FSTL4: variants seen among roughly 807,000 people sequenced by gnomAD.
The protein encoded by FSTL4 is follistatin like 4.
FSTL4 carries 28 observed loss-of-function variants against 78.2 expected under a neutral mutation model. That is an observed-to-expected ratio of 0.36 (90% CI 0.27 to 0.49). The LOEUF (loss-of-function observed/expected upper bound fraction) is 0.49, where lower values mean the gene tolerates loss of function less well. Ranked by LOEUF, FSTL4 falls within the 20% of genes least tolerant of loss-of-function variation. The pLI, the probability that FSTL4 is intolerant of heterozygous loss-of-function variation, is 0.98. For synonymous variants in FSTL4, 422 were observed against 440.5 expected (o/e 0.96, Z 0.53); for missense variants, 922 against 1,084.9 (o/e 0.85, Z 2.11).
chr5:133,576,849 A>C (rs1760294445), intron 2 of FSTL4, among the ~76,000 whole-genome samples: 1 of 152,228 alleles, frequency 6.6e-6, no homozygotes, highest in Admixed American at 6.5e-5. Context: ...TGTTCTTAAA[A>C]TGAATGCTTC....
chr5:133,738,988 T>G, the FSTL4 span, among the ~76,000 whole-genome samples: 2 of 152,190 alleles, frequency 1.3e-5, no homozygotes, highest in East Asian at 3.9e-4. Context: ...GCTGTGGGCC[T>G]TACTAGGCTG....
At chr5:133,588,985 A>G (rs1760562039) in intron 2 of FSTL4, among the ~76,000 whole-genome samples, 1 of 5,660 alleles carries the variant, frequency 1.8e-4, no homozygotes. Flanking sequence ...TGTCCTTTGT[A>G]GGGACATGGA....
intron 4 of FSTL4, among the ~76,000 whole-genome samples, chr5:133,337,841 C>G (rs1754498293): frequency 6.6e-6 from 1 of 152,154 alleles, no homozygotes; most frequent in Non-Finnish European, 1.5e-5. Flanking sequence ...AAAAAGTGAG[C>G]CAACTCAGTG....
chr5:133,812,460 T>G, the FSTL4 span, among the ~76,000 whole-genome samples: 3 of 152,254 alleles, frequency 2.0e-5, no homozygotes, highest in African/African-American at 7.2e-5. Flanking sequence ...CTTCTGGTTC[T>G]CAAACACACC....
At chr5:133,279,050 T>C (rs1752952018) in intron 6 of FSTL4, among the ~76,000 whole-genome samples, 1 of 152,248 alleles carries the variant, frequency 6.6e-6, no homozygotes, top group African/African-American at 2.4e-5. Flanking sequence ...GCAACTCAAA[T>C]GCTGCTGTGA....
intron 3 of FSTL4, among the ~76,000 whole-genome samples, chr5:133,556,817 T>C (rs752344180): frequency 2.0e-5 from 3 of 152,080 alleles, no homozygotes; most frequent in Non-Finnish European, 4.4e-5. Context: ...GGTGATCTCT[T>C]AGGAAAAGTG....
intron 4 of FSTL4, among the ~76,000 whole-genome samples, chr5:133,329,672 A>T (rs141147171): frequency 1.3e-5 from 2 of 152,286 alleles, no homozygotes; most frequent in East Asian, 3.9e-4. Flanking sequence ...GATTGTGCCC[A>T]CCAGATCAAG....
At chr5:133,479,498 T>C (rs1165958514) in intron 3 of FSTL4, among the ~76,000 whole-genome samples, 3 of 152,106 alleles carry the variant, frequency 2.0e-5, no homozygotes, top group East Asian at 3.8e-4. Context: ...ATGTGGCACA[T>C]GTGATGGAAT....
At chr5:133,342,715 TCCCCTTTC>T (rs937555016) in intron 4 of FSTL4, among the ~76,000 whole-genome samples, 8 of 151,732 alleles carry the variant, frequency 5.3e-5, no homozygotes, top group Admixed American at 4.6e-4. Context: ...CCCTAAACAT[TCCCCTTTC>T]ATGGGGACTA....
At chr5:133,528,863 T>TC (rs1412463585) in intron 3 of FSTL4, among the ~76,000 whole-genome samples, 2 of 152,242 alleles carry the variant, frequency 1.3e-5, no homozygotes, top group Non-Finnish European at 2.9e-5. Context: ...CTGTTCTTGT[T>TC]TGGACACAGA....
chr5:133,694,707 T>C, the FSTL4 span, among the ~76,000 whole-genome samples: 2 of 152,346 alleles, frequency 1.3e-5, no homozygotes, highest in African/African-American at 4.8e-5. Context: ...ACAGACTGGG[T>C]GGCTTAAACC....
chr5:133,224,269 G>A, intron 10 of FSTL4, 53 bp from the exon 11 acceptor site: 3 of 1,447,004 alleles, frequency 2.1e-6, no homozygotes, highest in Non-Finnish European at 2.9e-6. Context: ...CAAGGAAAAA[G>A]AAGAAAGCAG....
intron 4 of FSTL4, among the ~76,000 whole-genome samples, chr5:133,370,595 G>A (rs1755272476): frequency 6.6e-6 from 1 of 152,118 alleles, no homozygotes; most frequent in Non-Finnish European, 1.5e-5. Context: ...TGTGAGGACA[G>A]GCTCGGGGAA....
At chr5:133,806,235 T>C in the FSTL4 span, among the ~76,000 whole-genome samples, 3 of 152,138 alleles carry the variant, frequency 2.0e-5, no homozygotes, top group Admixed American at 6.5e-5. Context: ...TTATCTGTGT[T>C]TGGTTAATTT....
intron 3 of FSTL4, among the ~76,000 whole-genome samples, chr5:133,411,184 G>A (rs1308004730): frequency 6.6e-6 from 1 of 152,150 alleles, no homozygotes; most frequent in Non-Finnish European, 1.5e-5. Flanking sequence ...CTTCAGTGTT[G>A]CCTTCAAACA....
At chr5:133,791,540 G>A in the FSTL4 span, among the ~76,000 whole-genome samples, 1 of 152,166 alleles carries the variant, frequency 6.6e-6, no homozygotes, top group Non-Finnish European at 1.5e-5. Flanking sequence ...ACTAATGAGA[G>A]CTGAGCCATT....
chr5:133,780,945 C>CA, the FSTL4 span, among the ~76,000 whole-genome samples: 1 of 152,204 alleles, frequency 6.6e-6, no homozygotes, highest in East Asian at 1.9e-4. Flanking sequence ...AGAGAGGTTC[C>CA]ATGACTGAGC....
chr5:133,523,090 G>A lies in FSTL4; in HGVS notation c.160+44096C>T, dbSNP rs543154087. Reference sequence around the variant, plus strand: ...GGTAATTAACGTAAAATGAGGTCAGGAGGGCAGGGCTCAAATCTGATAGGA... The same window carrying A: ...GGTAATTAACGTAAAATGAGGTCAGAAGGGCAGGGCTCAAATCTGATAGGA... On this transcript the variant is annotated intron_variant, in intron 3 of 15. Coordinates refer to ENST00000265342, the MANE Select transcript of FSTL4 (RefSeq NM_015082.2). Among the ~76,000 whole-genome samples, 64 of 152,114 alleles carry A rather than the reference G, an allele frequency of 4.2e-4. No homozygotes were observed. In the South Asian group the frequency reaches 6.3e-3, roughly 15 times the overall value.
intron 3 of FSTL4, among the ~76,000 whole-genome samples, chr5:133,527,379 A>C (rs1349397539): frequency 6.6e-6 from 1 of 152,130 alleles, no homozygotes; most frequent in East Asian, 1.9e-4. Flanking sequence ...CCTCATGAAG[A>C]CCAGGGTTCA....
Sources: allele counts gnomAD v4.1 joint callset (sites outside exome capture counted in the v4.1 genomes callset), GRCh38; gene constraint gnomAD v4.1.1; transcripts MANE v1.5; gene names NCBI Gene and HGNC (gene_info 2026-07-23, HGNC 2026-07-21).